Variants in TXNDC11 observed in about 807,000 individuals in gnomAD.
The protein encoded by TXNDC11 is thioredoxin domain-containing protein 11.
A neutral mutation model predicts 78.0 loss-of-function variants in TXNDC11; 68 were observed. The ratio of observed to expected loss-of-function variants is 0.87; its 90% confidence interval spans 0.72 to 1.07. The LOEUF (loss-of-function observed/expected upper bound fraction) is 1.07, where lower values mean the gene tolerates loss of function less well. Among genes scored for constraint, TXNDC11 ranks in the 50% least tolerant of loss-of-function variants. The probability of loss-of-function intolerance (pLI) is 0.00; values close to 1 mark genes in which losing one functional copy is unlikely to be tolerated. For missense variants in TXNDC11, 1,389 were observed against 1,221.8 expected (o/e 1.14, Z -2.04); for synonymous variants, 571 against 495.2 (o/e 1.15, Z -2.03).
chr16:11,683,782 C>G (rs554236783), intron 11 of TXNDC11, among the ~76,000 whole-genome samples: 1 of 145,248 alleles, frequency 6.9e-6, no homozygotes, highest in Non-Finnish European at 1.5e-5. Flanking sequence ...GGCAGAGCCT[C>G]GCTCTGTCAC....
Position 11,691,355 on chromosome 16 carries a change from A to G in TXNDC11, c.1835T>C (p.Val612Ala). The change falls in exon 8 of 12, where the codon GTT (valine) becomes GCT (alanine). Residue 612 changes from valine (V) to alanine (A), a missense_variant. Val to Ala is a moderately conservative substitution (Grantham distance 64). Transcript: ENST00000283033. ...GTAATGAGATTCTTCTTTCACGTCA[A>G]CAATTGCCGCAAATTCTTTCACCTG... The part of the protein sequence containing the change: ...STQVKEFAAI[V>A]DVKEESHYIL... 6.2e-7 allele frequency: 1 copy of G among 1,614,266 alleles called. No homozygotes were observed. The highest frequency in any genetic ancestry group is 8.5e-7 in the Non-Finnish European group (1 of 1,180,050).
chr16:11,714,423 G>C (rs937607927), intron 5 of TXNDC11, among the ~76,000 whole-genome samples: 2 of 152,074 alleles, frequency 1.3e-5, no homozygotes, highest in African/African-American at 4.8e-5. Context: ...GGCGGATCAC[G>C]AGGTCGGGGA....
intron 2 of TXNDC11, among the ~76,000 whole-genome samples, chr16:11,735,127 T>G (rs1171413120): frequency 6.6e-6 from 1 of 152,250 alleles, no homozygotes; most frequent in Non-Finnish European, 1.5e-5. Flanking sequence ...GCAACTTCTA[T>G]GTAAACTGAG....
In TXNDC11 at chr16:11,691,496, G is replaced by C. The variant is rs1333566150; in HGVS notation, c.1694C>G (p.Thr565Ser). The C allele has an allele frequency of 1.2e-6, 2 of 1,614,066 alleles. No individual in the cohort carries two copies. The highest frequency in any genetic ancestry group is 8.5e-7 in the Non-Finnish European group (1 of 1,180,020). Residue 565 changes from threonine (T) to serine (S), a missense_variant, in exon 8 of 12, where the codon ACT becomes AGT. Coordinates refer to ENST00000283033, the MANE Select transcript of TXNDC11 (RefSeq NM_015914.7). ...NRYLFPEVDM[T>S]STNFTGLSCR... is the part of the protein sequence containing the mutation. ...GCTCAGGCCTGTGAAGTTTGTGCTA[G>C]TCATGTCCACTTCTGGAAAGAGATA...
intron 6 of TXNDC11, among the ~76,000 whole-genome samples, chr16:11,700,232 A>G (rs1453849947): frequency 6.6e-6 from 1 of 152,214 alleles, no homozygotes; most frequent in African/African-American, 2.4e-5. Context: ...ACAAATAAAG[A>G]ATTTCTATAC....
intron 1 of TXNDC11, among the ~76,000 whole-genome samples, chr16:11,738,685 TC>T: frequency 6.6e-6 from 1 of 151,696 alleles, no homozygotes; most frequent in East Asian, 1.9e-4. Flanking sequence ...AGACACGTTT[TC>T]AAGAGATCCA....
At chr16:11,690,095 G>C (rs545949455) in intron 8 of TXNDC11, 1 of 152,350 alleles carries the variant, frequency 6.6e-6, no homozygotes, top group East Asian at 1.9e-4. Context: ...CTACTGTTGA[G>C]TTCATACTTT....
At chr16:11,733,427 T>C (rs1031700686) in intron 3 of TXNDC11, among the ~76,000 whole-genome samples, 6 of 151,712 alleles carry the variant, frequency 4.0e-5, no homozygotes, top group Non-Finnish European at 5.9e-5. Flanking sequence ...CTTGGGAGGC[T>C]GAGGCAGGAG....
At chr16:11,683,657 G>T (rs769050126) in intron 11 of TXNDC11, among the ~76,000 whole-genome samples, 1 of 152,102 alleles carries the variant, frequency 6.6e-6, no homozygotes, top group Non-Finnish European at 1.5e-5. Flanking sequence ...TTCAAGCTCG[G>T]GTAAGAGATA....
chr16:11,686,041 C>T (rs537064768), intron 10 of TXNDC11, among the ~76,000 whole-genome samples: 1 of 152,266 alleles, frequency 6.6e-6, no homozygotes, highest in South Asian at 2.1e-4. Flanking sequence ...TCCCTGTAAC[C>T]TCCGGCTGCT....
rs769301166 is a variant in TXNDC11, at chr16:11,734,070, C to A, written c.481G>T (p.Val161Leu). 1 of 1,598,034 alleles carries A rather than the reference C, an allele frequency of 6.3e-7. No homozygotes were observed. Among genetic ancestry groups the A allele is most frequent in the Non-Finnish European group, 8.5e-7 (1 of 1,176,096 alleles). Residue 161 changes from valine (V) to leucine (L), a missense_variant, in exon 3 of 12, where the codon GTG becomes TTG. By Grantham distance (32) the Val-to-Leu change is conservative. Coordinates refer to ENST00000283033, the MANE Select transcript of TXNDC11 (RefSeq NM_015914.7). ...ASRLSDQVLF[V>L]AINCWWNQGK... Reference sequence around the variant, plus strand: ...TGGTTCCACCAACAGTTAATTGCCACAAACAACACCTGCAGAGCCAAAAAA... The same window carrying A: ...TGGTTCCACCAACAGTTAATTGCCAAAAACAACACCTGCAGAGCCAAAAAA...
intron 4 of TXNDC11, among the ~76,000 whole-genome samples, chr16:11,730,120 G>A (rs1013991065): frequency 1.3e-5 from 2 of 152,038 alleles, no homozygotes; most frequent in Non-Finnish European, 2.9e-5. Flanking sequence ...ATTTACCAGG[G>A]GTTGAAGTTG....
At position 11,692,044 on chromosome 16, in the gene TXNDC11, C is replaced by G; in HGVS notation, c.1146G>C (p.Gly382=). 1 of 1,540,992 alleles carries G rather than the reference C, an allele frequency of 6.5e-7. No homozygotes were observed. Among genetic ancestry groups the G allele is most frequent in the South Asian group, 1.3e-5 (1 of 78,280 alleles). The part of the protein sequence containing the change: ...EVALEYNNCH[G]DQVVERLLQH... ...GAAGGAGACGCTCCACCACCTGGTC[C>G]CCATGACAGTTGTTGTACTCCAAGG... Residue 382 remains glycine, a synonymous_variant, in exon 8 of 12, where the codon GGG becomes GGC. Transcript: ENST00000283033.
At chr16:11,715,281 T>C (rs1656512757) in intron 5 of TXNDC11, among the ~76,000 whole-genome samples, 1 of 152,104 alleles carries the variant, frequency 6.6e-6, no homozygotes, top group Non-Finnish European at 1.5e-5. Context: ...GGTATTTAGG[T>C]ACCATGTGAA....
intron 5 of TXNDC11, among the ~76,000 whole-genome samples, chr16:11,707,925 T>A (rs991258556): frequency 6.6e-6 from 1 of 151,456 alleles, no homozygotes; most frequent in Non-Finnish European, 1.5e-5. Flanking sequence ...TCTAAAAAAA[T>A]TTTTAAAAAT....
chr16:11,697,755 T>G (rs549725347), intron 7 of TXNDC11, among the ~76,000 whole-genome samples: 170 of 152,226 alleles, frequency 1.1e-3, no homozygotes, highest in Non-Finnish European at 1.9e-3. Context: ...TAGGCCACAC[T>G]AAACTCGGCC....
At chr16:11,733,925 C>A (rs1322643568) in intron 3 of TXNDC11, 57 bp downstream of exon 3, 17 of 1,306,570 alleles carry the variant, frequency 1.3e-5, no homozygotes, top group Non-Finnish European at 1.9e-5. Context: ...ATGCAAAATT[C>A]ATTTATAAAC....
At chr16:11,707,351 GA>G (rs879523182) in intron 5 of TXNDC11, among the ~76,000 whole-genome samples, 165 of 132,830 alleles carry the variant, frequency 1.2e-3, no homozygotes, top group Middle Eastern at 3.9e-3. Flanking sequence ...TGTGGGAGGT[GA>G]AAAAAAAAAA....
intron 4 of TXNDC11, among the ~76,000 whole-genome samples, chr16:11,729,354 C>T (rs1375423107): frequency 6.6e-6 from 1 of 152,168 alleles, no homozygotes; most frequent in African/African-American, 2.4e-5. Flanking sequence ...CATCCATCTG[C>T]TATCTATGTA....
Sources: gnomAD v4.1 joint callset for allele counts (sites outside exome capture counted in the v4.1 genomes callset) on GRCh38, gnomAD v4.1.1 for gene constraint, MANE v1.5 for transcripts, NCBI Gene and HGNC (gene_info 2026-07-23, HGNC 2026-07-21) for gene names.